Variants in CDH4 observed in about 807,000 individuals in gnomAD.
The protein encoded by CDH4 is cadherin-4.
In CDH4, 33 loss-of-function variants were observed where a neutral mutation model predicts 86.0. That is an observed-to-expected ratio of 0.38 (90% CI 0.29 to 0.51). The LOEUF is 0.51. Among genes scored for constraint, CDH4 ranks in the 20% least tolerant of loss-of-function variants. The probability of loss-of-function intolerance (pLI) is 0.86; values close to 1 mark genes in which losing one functional copy is unlikely to be tolerated. For synonymous variants in CDH4, 555 were observed against 549.4 expected (o/e 1.01, Z -0.14); for missense variants, 1,114 against 1,307.4 (o/e 0.85, Z 2.28).
chr20:61,764,899 TG>T (rs2088681023), intron 3 of CDH4, among the ~76,000 whole-genome samples: 1 of 152,218 alleles, frequency 6.6e-6, no homozygotes, highest in Admixed American at 6.5e-5. Flanking sequence ...AGGCTTCTGC[TG>T]CTGCCGCCTC....
At chr20:61,441,894 C>T (rs1462201132) in intron 2 of CDH4, among the ~76,000 whole-genome samples, 2 of 152,132 alleles carry the variant, frequency 1.3e-5, no homozygotes, top group African/African-American at 4.8e-5. Flanking sequence ...TGGCACGGCA[C>T]GTTCATCCAG....
intron 2 of CDH4, among the ~76,000 whole-genome samples, chr20:61,737,929 C>T (rs928555220): frequency 3.9e-5 from 6 of 152,336 alleles, no homozygotes; most frequent in Admixed American, 2.0e-4. Context: ...GGTAGGTGTG[C>T]GCAGGGCTGC....
chr20:61,652,917 AATTTATTT>A (rs200661197), intron 2 of CDH4, among the ~76,000 whole-genome samples: 20 of 126,544 alleles, frequency 1.6e-4, no homozygotes, highest in African/African-American at 3.6e-4. Context: ...CCAGTGTTTG[AATTTATTT>A]ATTTATTTAT....
chr20:61,385,861 G>A (rs940862592), intron 2 of CDH4, among the ~76,000 whole-genome samples: 1 of 152,196 alleles, frequency 6.6e-6, no homozygotes, highest in Non-Finnish European at 1.5e-5. Context: ...CAGGCCTCCT[G>A]TTCACCTTGA....
At position 61,392,418 on chromosome 20, in the gene CDH4, G is replaced by A. The variant is rs534003286; in HGVS notation, c.169+137481G>A. Among the ~76,000 whole-genome samples, 2 of 152,248 alleles carry A rather than the reference G, an allele frequency of 1.3e-5. No individual in the cohort carries two copies. Among genetic ancestry groups the A allele is most frequent in the Admixed American group, 6.5e-5 (1 of 15,296 alleles). On this transcript the variant is annotated intron_variant, in intron 2 of 15. Transcript: ENST00000614565. The surrounding 1 kb of genome is among the most constrained non-coding windows in gnomAD (Gnocchi z 5.7). Reference sequence around the variant, plus strand: ...GGGATGGAACGCACGGCGCCCCGACGTGATTTTCCAGAGAACTGAGTTCCT... The same window carrying A: ...GGGATGGAACGCACGGCGCCCCGACATGATTTTCCAGAGAACTGAGTTCCT...
chr20:61,262,388 G>A (rs968178299), intron 2 of CDH4, among the ~76,000 whole-genome samples: 2 of 147,822 alleles, frequency 1.4e-5, no homozygotes, highest in Non-Finnish European at 3.0e-5. Flanking sequence ...CGAGGTTCAC[G>A]TGGGTTCCCG....
At chr20:61,767,365 C>T (rs1449895867) in intron 3 of CDH4, among the ~76,000 whole-genome samples, 3 of 152,316 alleles carry the variant, frequency 2.0e-5, no homozygotes, top group South Asian at 2.1e-4. Flanking sequence ...ACCTCCCTAA[C>T]GTGTGGGACT....
chr20:61,710,806 T>C (rs140003853), intron 2 of CDH4, among the ~76,000 whole-genome samples: 437 of 152,308 alleles, frequency 2.9e-3, no homozygotes, highest in Middle Eastern at 0.01. Context: ...AGGCCCTACA[T>C]GCTCAGCCCT....
intron 2 of CDH4, among the ~76,000 whole-genome samples, chr20:61,386,664 C>T (rs2084952774): frequency 6.6e-6 from 1 of 152,208 alleles, no homozygotes; most frequent in Non-Finnish European, 1.5e-5. Context: ...GTGTTATGTT[C>T]CCCTGGGGGT....
At chr20:61,371,645 A>G (rs867183022) in intron 2 of CDH4, among the ~76,000 whole-genome samples, 4 of 152,014 alleles carry the variant, frequency 2.6e-5, no homozygotes, top group African/African-American at 4.8e-5. Flanking sequence ...CCGAGCCCCT[A>G]CCAAGGCCTG....
At chr20:61,440,838 C>G (rs1305830393) in intron 2 of CDH4, among the ~76,000 whole-genome samples, 1 of 152,204 alleles carries the variant, frequency 6.6e-6, no homozygotes, top group Non-Finnish European at 1.5e-5. Context: ...GGGAGAAGTT[C>G]TGGCAATCAC....
At chr20:61,924,574 C>A in intron 11 of CDH4, 98 bp downstream of exon 11, 1 of 1,359,966 alleles carries the variant, frequency 7.4e-7, no homozygotes, top group Non-Finnish European at 1.0e-6. Flanking sequence ...CCCCGAGAGG[C>A]CAGCAGGCAT....
chr20:61,857,645 A>G (rs1051628106), intron 6 of CDH4, among the ~76,000 whole-genome samples: 1 of 152,268 alleles, frequency 6.6e-6, no homozygotes, highest in Non-Finnish European at 1.5e-5. Context: ...GGGCTTCCCG[A>G]TGGGATTTCA....
chr20:61,411,106 TCATCCGTCTTTCCTTCCATCCATC>T (rs2085116639), intron 2 of CDH4, among the ~76,000 whole-genome samples: 1 of 142,358 alleles, frequency 7.0e-6, no homozygotes, highest in African/African-American at 2.8e-5. Flanking sequence ...TTCCAGTCAT[TCATCCGTCTTTCCTTCCATCCATC>T]CATCCATCCA....
At chr20:61,491,699 A>G (rs1600709715) in intron 2 of CDH4, among the ~76,000 whole-genome samples, 3 of 152,170 alleles carry the variant, frequency 2.0e-5, no homozygotes, top group South Asian at 4.2e-4. Context: ...GTTGATGTTG[A>G]TGCTGGTGGT....
At chr20:61,756,151 G>A (rs183818829) in intron 3 of CDH4, among the ~76,000 whole-genome samples, 56 of 152,326 alleles carry the variant, frequency 3.7e-4, no homozygotes, top group Non-Finnish European at 6.5e-4. Context: ...TGCAGGCTTC[G>A]TTAGCGTGAA....
At chr20:61,587,925 G>C (rs57139777) in intron 2 of CDH4, among the ~76,000 whole-genome samples, 3,999 of 152,076 alleles carry the variant, frequency 0.026, 68 homozygotes, top group Middle Eastern at 0.075. Context: ...TTCTCACCTC[G>C]GAGTCAACCG....
intron 2 of CDH4, among the ~76,000 whole-genome samples, chr20:61,284,250 C>G (rs578019439): frequency 6.6e-6 from 1 of 152,072 alleles, no homozygotes; most frequent in African/African-American, 2.4e-5. Context: ...GGAGGCATAG[C>G]TTGCAGTGAG....
intron 4 of CDH4, among the ~76,000 whole-genome samples, chr20:61,804,057 C>G (rs899175567): frequency 1.3e-5 from 2 of 152,262 alleles, no homozygotes; most frequent in African/African-American, 4.8e-5. Flanking sequence ...GAGGCGCCTG[C>G]TCTCCACACG....
Sources: allele counts gnomAD v4.1 joint callset (sites outside exome capture counted in the v4.1 genomes callset), GRCh38; gene constraint gnomAD v4.1.1; non-coding constraint Gnocchi (gnomAD v3.1); transcripts MANE v1.5; gene names NCBI Gene and HGNC (gene_info 2026-07-23, HGNC 2026-07-21).